Variants in DPYD observed in about 807,000 individuals in gnomAD.
DPYD encodes dihydropyrimidine dehydrogenase.
A neutral mutation model predicts 116.2 loss-of-function variants in DPYD; 109 were observed. The observed-to-expected ratio is 0.94, with a 90% CI of 0.80 to 1.10. The LOEUF (loss-of-function observed/expected upper bound fraction) is 1.10. Among genes scored for constraint, DPYD ranks in the 50% least tolerant of loss-of-function variants. The probability of loss-of-function intolerance (pLI) is 0.00; values close to 1 mark genes in which losing one functional copy is unlikely to be tolerated. For missense variants in DPYD, 1,302 were observed against 1,254.5 expected (o/e 1.04, Z -0.57); for synonymous variants, 440 against 432.0 (o/e 1.02, Z -0.23).
At chr1:97,392,603 A>T (rs1313030211) in intron 14 of DPYD, among the ~76,000 whole-genome samples, 1 of 152,046 alleles carries the variant, frequency 6.6e-6, no homozygotes, top group Non-Finnish European at 1.5e-5. Context: ...TCTAAAACTC[A>T]GTTACTGCTT....
chr1:97,535,944 A>G (rs1334830083), intron 12 of DPYD, among the ~76,000 whole-genome samples: 1 of 152,232 alleles, frequency 6.6e-6, no homozygotes, highest in Non-Finnish European at 1.5e-5. Flanking sequence ...AACACATCAC[A>G]ATTTAACCTG....
chr1:97,696,144 A>G (rs780190955), intron 6 of DPYD, among the ~76,000 whole-genome samples: 5 of 150,006 alleles, frequency 3.3e-5, no homozygotes, highest in African/African-American at 4.9e-5. Flanking sequence ...AAAAGAAAGA[A>G]AAAAGAAAAG....
At chr1:97,289,335 T>C (rs1440273271) in intron 18 of DPYD, among the ~76,000 whole-genome samples, 1 of 152,182 alleles carries the variant, frequency 6.6e-6, no homozygotes, top group African/African-American at 2.4e-5. Flanking sequence ...TAACTCATGT[T>C]ATGAGGCCAG....
At chr1:97,116,499 C>T (rs1397431859) in intron 20 of DPYD, among the ~76,000 whole-genome samples, 1 of 151,976 alleles carries the variant, frequency 6.6e-6, no homozygotes, top group Non-Finnish European at 1.5e-5. Flanking sequence ...ATGGTGAAAC[C>T]TGTCTCTACA....
At chr1:97,599,617 G>A (rs1188947964) in intron 8 of DPYD, among the ~76,000 whole-genome samples, 3 of 151,948 alleles carry the variant, frequency 2.0e-5, no homozygotes, top group Admixed American at 1.3e-4. Flanking sequence ...AAGCCATCAT[G>A]AGAAAGACAG....
chr1:97,417,691 G>A (rs59111295), intron 14 of DPYD, among the ~76,000 whole-genome samples: 29,876 of 152,038 alleles, frequency 0.2, 3,161 homozygotes, highest in East Asian at 0.38. Context: ...AAATACAAAT[G>A]AGCTTCTTAT....
intron 7 of DPYD, among the ~76,000 whole-genome samples, chr1:97,688,879 A>G (rs998698325): frequency 2.0e-5 from 3 of 151,972 alleles, no homozygotes; most frequent in African/African-American, 7.2e-5. Context: ...TAGAAATTCA[A>G]TGATTAGTAT....
chr1:97,846,451 G>A (rs575011226), intron 2 of DPYD, among the ~76,000 whole-genome samples: 16 of 152,340 alleles, frequency 1.1e-4, no homozygotes, highest in African/African-American at 3.6e-4. Flanking sequence ...ACAAGAGACA[G>A]CCTGGACTTG....
At chr1:97,889,849 A>C (rs1428896401) in intron 1 of DPYD, among the ~76,000 whole-genome samples, 5 of 152,040 alleles carry the variant, frequency 3.3e-5, no homozygotes, top group African/African-American at 1.2e-4. Context: ...ATTGTATGCT[A>C]GATGAAAAAA....
At chr1:97,906,679 T>C (rs538568112) in intron 1 of DPYD, among the ~76,000 whole-genome samples, 2 of 152,162 alleles carry the variant, frequency 1.3e-5, no homozygotes, top group South Asian at 4.1e-4. Flanking sequence ...ACCCTACATA[T>C]ATATTTGTTT....
At chr1:97,468,989 C>T (rs558888083) in intron 13 of DPYD, among the ~76,000 whole-genome samples, 1 of 152,234 alleles carries the variant, frequency 6.6e-6, no homozygotes, top group South Asian at 2.1e-4. Flanking sequence ...TTATTTAAAA[C>T]ATGATTGCAC....
intron 11 of DPYD, among the ~76,000 whole-genome samples, chr1:97,552,532 G>T (rs1181749302): frequency 6.6e-6 from 1 of 151,714 alleles, no homozygotes; most frequent in Non-Finnish European, 1.5e-5. Context: ...TCTGCTCATG[G>T]GCATTTCTAT....
At chr1:97,778,188 A>AAGAAAGAG (rs1312207851) in intron 3 of DPYD, among the ~76,000 whole-genome samples, 10 of 106,306 alleles carry the variant, frequency 9.4e-5, no homozygotes, top group African/African-American at 3.1e-4. Context: ...GAAAGAAAGA[A>AAGAAAGAG]AGAGAGAGAG....
chr1:97,245,907 C>T (rs545137710), intron 18 of DPYD, among the ~76,000 whole-genome samples: 1 of 152,254 alleles, frequency 6.6e-6, no homozygotes, highest in East Asian at 1.9e-4. Context: ...CATTCTCTTT[C>T]ACTTTACAAA....
At chr1:97,866,944 TA>T (rs1671413226) in intron 2 of DPYD, among the ~76,000 whole-genome samples, 1 of 151,750 alleles carries the variant, frequency 6.6e-6, no homozygotes, top group Non-Finnish European at 1.5e-5. Flanking sequence ...GAGATGAGGA[TA>T]GGGGCTTGTA....
rs553765127 is a variant in DPYD at position 97,663,109 on chromosome 1, T to C, written c.850+15986A>G. Among the ~76,000 whole-genome samples the C allele has an allele frequency of 1.5e-4, 23 of 152,330 alleles. No homozygotes were observed. The East Asian group carries it at 4.2e-3, about 28-fold the overall frequency. ...TTCATACTAGCAAATAGCGAGGAGA[T>C]ACTGCCACTAGCATCATTTGCCACA... On this transcript the variant is annotated intron_variant, in intron 8 of 22. Transcript: ENST00000370192.
At chr1:97,200,738 A>G (rs1403791823) in intron 19 of DPYD, among the ~76,000 whole-genome samples, 1 of 152,166 alleles carries the variant, frequency 6.6e-6, no homozygotes, top group Admixed American at 6.6e-5. Flanking sequence ...GGGAATTTAG[A>G]CTTTTTTTCA....
intron 13 of DPYD, among the ~76,000 whole-genome samples, chr1:97,465,892 T>C (rs1331268609): frequency 3.3e-5 from 5 of 152,228 alleles, no homozygotes; most frequent in South Asian, 4.2e-4. Context: ...TCTAAATTCA[T>C]TGAGCTCAGG....
chr1:97,313,407 C>T (rs1370604825), intron 16 of DPYD, among the ~76,000 whole-genome samples: 1 of 151,748 alleles, frequency 6.6e-6, no homozygotes, highest in East Asian at 1.9e-4. Flanking sequence ...AAATACTTTA[C>T]AATCTAGGGG....
Sources: gnomAD v4.1 joint callset for allele counts (sites outside exome capture counted in the v4.1 genomes callset) on GRCh38, gnomAD v4.1.1 for gene constraint, MANE v1.5 for transcripts, NCBI Gene and HGNC (gene_info 2026-07-23, HGNC 2026-07-21) for gene names.